The following NRXN3 variants were observed in gnomAD, a reference collection of about 807,000 sequenced individuals.
NRXN3 encodes neurexin III.
In NRXN3, 32 loss-of-function variants were observed where a neutral mutation model predicts 137.6. The observed-to-expected ratio is 0.23, with a 90% CI of 0.18 to 0.31. The LOEUF (loss-of-function observed/expected upper bound fraction) is 0.31. NRXN3 is among the 10% of genes least tolerant of loss of function. The pLI is 1.00. For synonymous variants in NRXN3, 798 were observed against 784.5 expected (o/e 1.02, Z -0.29); for missense variants, 1,574 against 2,062.5 (o/e 0.76, Z 4.59).
chr14:79,315,859 G>A (rs1020955293), intron 15 of NRXN3, among the ~76,000 whole-genome samples: 1 of 152,142 alleles, frequency 6.6e-6, no homozygotes, highest in African/African-American at 2.4e-5. Flanking sequence ...GCTACACAAA[G>A]CTTTATTTCT....
At chr14:79,748,677 G>A (rs919958318) in intron 19 of NRXN3, among the ~76,000 whole-genome samples, 1 of 151,962 alleles carries the variant, frequency 6.6e-6, no homozygotes, top group Non-Finnish European at 1.5e-5. Context: ...GGCCAGTGGC[G>A]GGTTTACTCA....
chr14:79,552,293 G>C (rs558854969), intron 16 of NRXN3, among the ~76,000 whole-genome samples: 1 of 152,158 alleles, frequency 6.6e-6, no homozygotes, highest in Admixed American at 6.5e-5. Context: ...TACATGTGGT[G>C]TTTCAGGTAT....
intron 19 of NRXN3, among the ~76,000 whole-genome samples, chr14:79,795,830 A>C (rs1036449747): frequency 6.6e-6 from 1 of 152,018 alleles, no homozygotes; most frequent in Non-Finnish European, 1.5e-5. Flanking sequence ...TGTGCCACAT[A>C]CTAAGTTTTG....
intron 15 of NRXN3, among the ~76,000 whole-genome samples, chr14:79,302,914 C>A (rs1429104737): frequency 1.3e-5 from 2 of 151,848 alleles, no homozygotes; most frequent in Admixed American, 6.6e-5. Context: ...GACCACCAAG[C>A]CATTCATGAG....
intron 8 of NRXN3, among the ~76,000 whole-genome samples, chr14:78,785,320 A>G (rs950509351): frequency 2.0e-5 from 3 of 152,180 alleles, no homozygotes; most frequent in African/African-American, 7.2e-5. Context: ...CTGAGTCATA[A>G]AGACGGCTCC....
At chr14:79,556,183 G>T (rs1009296930) in intron 16 of NRXN3, among the ~76,000 whole-genome samples, 1 of 152,084 alleles carries the variant, frequency 6.6e-6, no homozygotes, top group African/African-American at 2.4e-5. Context: ...AGCATCTATT[G>T]TTAATGTCAA....
intron 10 of NRXN3, among the ~76,000 whole-genome samples, chr14:78,819,058 T>A (rs1203279073): frequency 1.3e-5 from 2 of 152,174 alleles, no homozygotes; most frequent in Non-Finnish European, 2.9e-5. Context: ...CTTTTTTGTT[T>A]TGATTTGCCC....
intron 15 of NRXN3, among the ~76,000 whole-genome samples, chr14:79,396,482 A>G (rs2095030275): frequency 6.6e-6 from 1 of 152,166 alleles, no homozygotes; most frequent in African/African-American, 2.4e-5. Context: ...ATTCAAATTC[A>G]GTACATCCAG....
intron 10 of NRXN3, among the ~76,000 whole-genome samples, chr14:78,940,228 G>T (rs2099350416): frequency 6.6e-6 from 1 of 152,108 alleles, no homozygotes; most frequent in South Asian, 2.1e-4. Flanking sequence ...AAAATCTCTT[G>T]TCTACCTGGA....
chr14:79,524,651 G>A (rs546267242), intron 16 of NRXN3, among the ~76,000 whole-genome samples: 1 of 152,226 alleles, frequency 6.6e-6, no homozygotes, highest in South Asian at 2.1e-4. Flanking sequence ...ATCACTGTAG[G>A]GACCAAAGGA....
At chr14:79,632,323 C>G (rs2098361721) in intron 16 of NRXN3, 1 of 156,476 alleles carries the variant, frequency 6.4e-6, no homozygotes, top group African/African-American at 2.4e-5. Flanking sequence ...AGACCAAGAG[C>G]CCACCAATTC....
At chr14:78,466,064 A>G (rs531049875) in intron 4 of NRXN3, among the ~76,000 whole-genome samples, 16 of 151,896 alleles carry the variant, frequency 1.1e-4, no homozygotes, top group African/African-American at 3.1e-4. Flanking sequence ...CGTGTTAGCC[A>G]GGTTGGTCTA....
intron 4 of NRXN3, among the ~76,000 whole-genome samples, chr14:78,542,225 T>C (rs1171314394): frequency 6.6e-6 from 1 of 152,230 alleles, no homozygotes; most frequent in Admixed American, 6.5e-5. Context: ...ACAGGGACGT[T>C]TAAGTCTGCA....
intron 15 of NRXN3, among the ~76,000 whole-genome samples, chr14:79,144,633 G>A (rs2059125388): frequency 6.6e-6 from 1 of 152,172 alleles, no homozygotes; most frequent in African/African-American, 2.4e-5. Flanking sequence ...AATGTACAAA[G>A]TCAGTAATGC....
intron 15 of NRXN3, among the ~76,000 whole-genome samples, chr14:79,211,825 C>A (rs1295129446): frequency 6.6e-6 from 1 of 152,064 alleles, no homozygotes; most frequent in African/African-American, 2.4e-5. Context: ...TAATCCAAAA[C>A]ATGATAAACA....
At chr14:79,063,016 T>C (rs983615975) in intron 15 of NRXN3, among the ~76,000 whole-genome samples, 1 of 152,168 alleles carries the variant, frequency 6.6e-6, no homozygotes, top group African/African-American at 2.4e-5. Context: ...ATAATTTAGG[T>C]GAATGTTAGC....
At position 78,219,655 on chromosome 14, in the gene NRXN3, T is replaced by G. The variant is rs546954020; in HGVS notation, c.-703-22736T>G. 2.0e-5 allele frequency among the ~76,000 whole-genome samples: 3 copies of G among 152,338 alleles called. No individual in the cohort carries two copies. The South Asian group carries it at 6.2e-4, about 32-fold the overall frequency. On this transcript the variant is annotated intron_variant, in intron 1 of 20. Coordinates refer to ENST00000335750, the MANE Select transcript of NRXN3 (RefSeq NM_001330195.2). The stretch of plus-strand genomic sequence containing the variant: ...AGGATAAGATGAGCACAGTGCTGGG[T>G]ATCTGGTGAGTTTTCAAAAATGTTA...
chr14:78,547,212 TTTA>T (rs200842788), intron 4 of NRXN3, among the ~76,000 whole-genome samples: 78 of 113,628 alleles, frequency 6.9e-4, no homozygotes, highest in African/African-American at 2.0e-3. Context: ...TTTTTTTTCA[TTTA>T]TTTTTTTTTG....
chr14:79,807,854 T>G (rs916690414), intron 20 of NRXN3, among the ~76,000 whole-genome samples: 3 of 152,136 alleles, frequency 2.0e-5, no homozygotes, highest in African/African-American at 7.2e-5. Context: ...TGGTGAGTGA[T>G]TTGGATATAC....
Sources: allele counts gnomAD v4.1 joint callset (sites outside exome capture counted in the v4.1 genomes callset), GRCh38; gene constraint gnomAD v4.1.1; transcripts MANE v1.5; gene names NCBI Gene and HGNC (gene_info 2026-07-23, HGNC 2026-07-21).